Variants in CDH13 observed in about 807,000 individuals in gnomAD.
CDH13 encodes cadherin-13.
Under a neutral mutation model 63.8 loss-of-function variants are expected in CDH13, and 24 were observed. The ratio of observed to expected loss-of-function variants is 0.38; its 90% CI spans 0.27 to 0.53. The LOEUF (loss-of-function observed/expected upper bound fraction) is 0.53, where lower values mean the gene tolerates loss of function less well. CDH13 is among the 20% of genes least tolerant of loss of function. The probability of loss-of-function intolerance (pLI) is 0.85; values close to 1 mark genes in which losing one functional copy is unlikely to be tolerated. For missense variants in CDH13, 1,049 were observed against 903.1 expected, an observed-to-expected ratio of 1.16 and a Z score of -2.07; for synonymous variants, 503 against 355.3, an observed-to-expected ratio of 1.42 and a Z score of -4.67.
chr16:83,019,003 T>C (rs1381604895), intron 2 of CDH13, among the ~76,000 whole-genome samples: 1 of 152,202 alleles, frequency 6.6e-6, no homozygotes, highest in African/African-American at 2.4e-5. Context: ...CCTAGGACAT[T>C]ACTGTGCAGG....
chr16:83,508,028 G>A (rs996072628), intron 7 of CDH13, among the ~76,000 whole-genome samples: 10 of 135,014 alleles, frequency 7.4e-5, no homozygotes, highest in African/African-American at 1.1e-4. Context: ...GCAACATTCG[G>A]TCGAAAGAAA....
At chr16:82,657,760 CTT>C (rs1266423515) in intron 1 of CDH13, among the ~76,000 whole-genome samples, 2 of 152,084 alleles carry the variant, frequency 1.3e-5, no homozygotes, top group African/African-American at 4.8e-5. Context: ...AAGTGATTGG[CTT>C]TTTTACATTA....
intron 5 of CDH13, among the ~76,000 whole-genome samples, chr16:83,326,021 G>T (rs975840829): frequency 1.3e-5 from 2 of 152,080 alleles, no homozygotes; most frequent in Admixed American, 1.3e-4. Context: ...TACAAAGTAC[G>T]CAGGCAAGCA....
intron 7 of CDH13, among the ~76,000 whole-genome samples, chr16:83,535,000 T>C (rs10871275): frequency 0.39 from 59,116 of 152,172 alleles, 12,672 homozygotes; most frequent in Non-Finnish European, 0.47. Flanking sequence ...TTGAAGTCAT[T>C]AGTTTAATCA....
At chr16:83,446,209 A>G (rs950912103) in intron 6 of CDH13, among the ~76,000 whole-genome samples, 1 of 151,972 alleles carries the variant, frequency 6.6e-6, no homozygotes, top group African/African-American at 2.4e-5. Context: ...AGGCTGAGGC[A>G]AGAGAATCGC....
chr16:83,746,464 C>G lies in CDH13; in HGVS notation c.1539-1644C>G, dbSNP rs77990195. ...TCATCTCAAAGACCTTAACTCAGCT[C>G]TGCAAAGTCTTTGCTCTATGAAGTA... On this transcript the variant is annotated intron_variant, in intron 10 of 13. Coordinates refer to ENST00000567109, the MANE Select transcript of CDH13 (RefSeq NM_001257.5). Among the ~76,000 whole-genome samples, 1,491 of 152,308 alleles carry G rather than the reference C, an allele frequency of 9.8e-3. 29 individuals are homozygous for G. The highest frequency in any genetic ancestry group is 0.034 in the African/African-American group (1,425 of 41,554).
chr16:82,694,177 T>G (rs1321755933), intron 1 of CDH13, among the ~76,000 whole-genome samples: 1 of 152,228 alleles, frequency 6.6e-6, no homozygotes, highest in East Asian at 1.9e-4. Context: ...GAAAAGTTTA[T>G]GTGACAACTA....
At chr16:83,705,300 G>A (rs1373724313) in intron 10 of CDH13, among the ~76,000 whole-genome samples, 1 of 152,116 alleles carries the variant, frequency 6.6e-6, no homozygotes, top group Non-Finnish European at 1.5e-5. Flanking sequence ...AGACAACCAA[G>A]CTTTTTGAGA....
Position 83,783,457 on chromosome 16 carries a change from C to G in CDH13, c.2119C>G (p.Leu707Val). The G allele has an allele frequency of 1.2e-6, 2 of 1,613,888 alleles. No homozygotes were observed. Among genetic ancestry groups the G allele is most frequent in the Admixed American group, 1.7e-5 (1 of 60,034 alleles). Residue 707 changes from leucine (L) to valine (V), a missense_variant, in exon 13 of 14, where the codon CTC (leucine) becomes GTC (valine). Leu to Val is a conservative substitution (Grantham distance 32). Coordinates refer to ENST00000567109, the MANE Select transcript of CDH13 (RefSeq NM_001257.5). ...CCTGCCCTCAGTCCTGCTCCTCAGC[C>G]TCTTCAGCTTAGCTTGTAAGTTGAC... ...FSLPSVLLLSLFSLACL is the reference protein window; with the variant it reads ...FSLPSVLLLSVFSLACL
rs72805951 is a variant in CDH13 at position 82,785,224 on chromosome 16, T to G, written c.46-73138T>G. ...AAGGGGAAGACATGAGACTCTCTTA[T>G]GTCTAAATGTCTAACATGGGTTGGA... On this transcript the variant is annotated intron_variant, in intron 1 of 13. Transcript: ENST00000567109. 3.0e-3 allele frequency among the ~76,000 whole-genome samples: 454 copies of G among 152,292 alleles called. 1 individual carries two copies. Among genetic ancestry groups the G allele is most frequent in the Non-Finnish European group, 5.2e-3 (357 of 68,024 alleles).
intron 13 of CDH13, among the ~76,000 whole-genome samples, chr16:83,784,225 C>T (rs962813540): frequency 6.6e-6 from 1 of 152,118 alleles, no homozygotes; most frequent in African/African-American, 2.4e-5. Context: ...AAAAAGAAAA[C>T]AGAAGGTTTT....
intron 6 of CDH13, among the ~76,000 whole-genome samples, chr16:83,447,899 C>T (rs918096199): frequency 2.0e-5 from 3 of 151,936 alleles, no homozygotes; most frequent in Admixed American, 6.6e-5. Context: ...TGATGTGATT[C>T]ACTCTGTGGT....
chr16:83,782,600 G>A (rs1431185510), intron 12 of CDH13, among the ~76,000 whole-genome samples: 2 of 152,056 alleles, frequency 1.3e-5, no homozygotes, highest in South Asian at 2.1e-4. Flanking sequence ...GCTGGGCATG[G>A]TAGTGTGTGC....
intron 5 of CDH13, among the ~76,000 whole-genome samples, chr16:83,333,749 G>C (rs1022982597): frequency 2.0e-5 from 3 of 152,178 alleles, no homozygotes; most frequent in African/African-American, 4.8e-5. Flanking sequence ...CTTAGTAAGA[G>C]AGCATGATCA....
intron 5 of CDH13, among the ~76,000 whole-genome samples, chr16:83,276,451 G>A (rs1265359878): frequency 6.6e-6 from 1 of 152,126 alleles, no homozygotes; most frequent in East Asian, 1.9e-4. Flanking sequence ...GAATGTATGA[G>A]TTCATTTTCA....
chr16:83,407,541 A>G (rs2092065978), intron 6 of CDH13, among the ~76,000 whole-genome samples: 1 of 152,216 alleles, frequency 6.6e-6, no homozygotes, highest in South Asian at 2.1e-4. Flanking sequence ...ACTGGTTCTA[A>G]TACAAATAAA....
At chr16:83,365,512 C>T (rs973680274) in intron 6 of CDH13, among the ~76,000 whole-genome samples, 1 of 152,188 alleles carries the variant, frequency 6.6e-6, no homozygotes, top group Non-Finnish European at 1.5e-5. Flanking sequence ...CTGTTGTAGG[C>T]CAAATGTTGG....
intron 5 of CDH13, among the ~76,000 whole-genome samples, chr16:83,246,223 T>A (rs10514586): frequency 0.33 from 50,684 of 152,080 alleles, 9,313 homozygotes; most frequent in African/African-American, 0.47. Context: ...TTCCACTAAC[T>A]TTTCCAAGAG....
chr16:83,777,356 C>G (rs1915192508), intron 11 of CDH13, among the ~76,000 whole-genome samples: 1 of 152,222 alleles, frequency 6.6e-6, no homozygotes. Flanking sequence ...AGCAGCTCCA[C>G]CACGGCACCC....
Sources: gnomAD v4.1 joint callset for allele counts (sites outside exome capture counted in the v4.1 genomes callset) on GRCh38, gnomAD v4.1.1 for gene constraint, MANE v1.5 for transcripts, NCBI Gene and HGNC (gene_info 2026-07-23, HGNC 2026-07-21) for gene names.